The following DRG1 variants were observed in gnomAD, a reference collection of about 807,000 sequenced individuals.
DRG1 encodes the protein developmentally-regulated GTP-binding protein 1.
In DRG1, 19 loss-of-function variants were observed where a neutral mutation model predicts 38.8. The observed-to-expected ratio is 0.49, with a 90% CI of 0.34 to 0.72. DRG1 has a LOEUF of 0.72. Among genes scored for constraint, DRG1 ranks in the 30% least tolerant of loss-of-function variants. DRG1 has a pLI of 0.01. For missense variants in DRG1, 299 were observed against 444.8 expected, an observed-to-expected ratio of 0.67 and a Z score of 2.95; for synonymous variants, 167 against 157.5, an observed-to-expected ratio of 1.06 and a Z score of -0.45.
chr22:31,415,025 T>C (rs1236879674), intron 4 of DRG1, among the ~76,000 whole-genome samples: 1 of 152,148 alleles, frequency 6.6e-6, no homozygotes, highest in Non-Finnish European at 1.5e-5. Flanking sequence ...GTCTCTCTCT[T>C]CTCAGCTTCC....
chr22:31,432,448 C>T (rs1195597902), intron 8 of DRG1, among the ~76,000 whole-genome samples: 2 of 144,950 alleles, frequency 1.4e-5, no homozygotes, highest in Non-Finnish European at 3.0e-5. Context: ...TTTTTTGAGA[C>T]TGAGAGAGAC....
chr22:31,428,963 C>G (rs1279680113), intron 8 of DRG1, among the ~76,000 whole-genome samples: 1 of 152,106 alleles, frequency 6.6e-6, no homozygotes, highest in East Asian at 1.9e-4. Flanking sequence ...ATAATATTCA[C>G]ATTGATTACT....
chr22:31,420,947 A>G (rs1485725714), intron 5 of DRG1, among the ~76,000 whole-genome samples: 2 of 152,112 alleles, frequency 1.3e-5, no homozygotes, highest in Non-Finnish European at 2.9e-5. Flanking sequence ...TTGCAGTTTT[A>G]AGAACGTTGG....
At chr22:31,416,900 A>G (rs1601529951) in intron 4 of DRG1, among the ~76,000 whole-genome samples, 1 of 1,490 alleles carries the variant, frequency 6.7e-4, no homozygotes, top group Non-Finnish European at 2.1e-3. Context: ...ATTCTGTCTC[A>G]AAAAAAAAAA....
At chr22:31,407,451 G>A (rs1408129985) in intron 3 of DRG1, among the ~76,000 whole-genome samples, 2 of 151,852 alleles carry the variant, frequency 1.3e-5, no homozygotes, top group East Asian at 1.9e-4. Flanking sequence ...TCCTCCCACC[G>A]TAGCCTTCCA....
intron 4 of DRG1, among the ~76,000 whole-genome samples, chr22:31,414,061 G>T (rs974036176): frequency 1.3e-5 from 2 of 152,142 alleles, no homozygotes; most frequent in Non-Finnish European, 2.9e-5. Context: ...TCTGACACCA[G>T]TGCCCCTTCC....
chr22:31,424,290 T>G (rs942042951), intron 6 of DRG1, among the ~76,000 whole-genome samples: 21 of 151,944 alleles, frequency 1.4e-4, no homozygotes, highest in Admixed American at 1.4e-3. Flanking sequence ...TAGCTGAGAT[T>G]ACAGGTGTGC....
At chr22:31,414,890 CCTT>C (rs1482439195) in intron 4 of DRG1, among the ~76,000 whole-genome samples, 6 of 151,802 alleles carry the variant, frequency 4.0e-5, no homozygotes, top group Admixed American at 2.6e-4. Context: ...GGTGATCCTT[CCTT>C]CTTAGCCTCT....
chr22:31,401,100 AT>A (rs1259308596), intron 2 of DRG1, among the ~76,000 whole-genome samples: 11 of 152,026 alleles, frequency 7.2e-5, no homozygotes, highest in Admixed American at 7.2e-4. Flanking sequence ...CTGTAGTTTT[AT>A]TTATATCCTG....
At chr22:31,429,189 G>C (rs2050126749) in intron 8 of DRG1, among the ~76,000 whole-genome samples, 1 of 152,136 alleles carries the variant, frequency 6.6e-6, no homozygotes, top group African/African-American at 2.4e-5. Context: ...CACGATATCA[G>C]CTCACTGCAA....
intron 6 of DRG1, among the ~76,000 whole-genome samples, chr22:31,424,498 T>TC (rs2050096696): frequency 7.4e-6 from 1 of 135,650 alleles, no homozygotes; most frequent in Non-Finnish European, 1.6e-5. Flanking sequence ...CTTTTTTTTT[T>TC]TTTTTTTTTT....
chr22:31,432,717 G>A (rs1241682850), intron 8 of DRG1, among the ~76,000 whole-genome samples: 1 of 151,174 alleles, frequency 6.6e-6, no homozygotes, highest in South Asian at 2.1e-4. Flanking sequence ...GAGCCACCAC[G>A]CCTGGCCTAA....
In DRG1 at chr22:31,423,966, C is replaced by T. The variant is rs189089825; in HGVS notation, c.713+556C>T. 1.7e-4 allele frequency among the ~76,000 whole-genome samples: 26 copies of T among 150,016 alleles called. No individual in the cohort carries two copies. In the East Asian group the frequency reaches 2.8e-3, roughly 16 times the overall value. On this transcript the variant is annotated intron_variant, in intron 6 of 8. Coordinates refer to ENST00000331457, the MANE Select transcript of DRG1 (RefSeq NM_004147.4). ...TGCAACCTCCACTTCCAGGTTCAAG[C>T]GATTCTCCTCCCTCAGCCTTCCTGA...
In DRG1 at chr22:31,429,356, G is replaced by T. The variant is rs1011243301; in HGVS notation, c.1004+2174G>T. Among the ~76,000 whole-genome samples the T allele has an allele frequency of 3.3e-5, 5 of 152,208 alleles. No individual in the cohort carries two copies. The South Asian group carries it at 8.3e-4, about 25-fold the overall frequency. On this transcript the variant is annotated intron_variant, in intron 8 of 8. Transcript: ENST00000331457. The stretch of plus-strand genomic sequence containing the variant: ...TGGTCTCAAACTCCTGACCTCAGGT[G>T]ATCTGCCTGCCTCGGCCTCCCAAAG...
chr22:31,417,150 T>A (rs1163971133), intron 4 of DRG1, among the ~76,000 whole-genome samples: 1 of 151,652 alleles, frequency 6.6e-6, no homozygotes, highest in Non-Finnish European at 1.5e-5. Context: ...GGCGGGTGGA[T>A]CACCAGGTCA....
intron 3 of DRG1, among the ~76,000 whole-genome samples, chr22:31,408,228 T>A (rs1438655894): frequency 8.7e-6 from 1 of 115,484 alleles, no homozygotes; most frequent in Non-Finnish European, 1.7e-5. Context: ...AACCTCTGCC[T>A]CCTGGGTTCA....
At chr22:31,429,850 G>C (rs2050129939) in intron 8 of DRG1, among the ~76,000 whole-genome samples, 1 of 152,010 alleles carries the variant, frequency 6.6e-6, no homozygotes, top group African/African-American at 2.4e-5. Flanking sequence ...GGTCCGACTT[G>C]TGTTGCCCAG....
chr22:31,434,013 G>A lies in DRG1; in HGVS notation c.*42G>A, dbSNP rs763127358. 18 of 1,577,110 alleles carry A rather than the reference G, an allele frequency of 1.1e-5. No individual in the cohort carries two copies. Among genetic ancestry groups the A allele is most frequent in the East Asian group, 2.2e-5 (1 of 44,562 alleles). The stretch of plus-strand genomic sequence containing the variant: ...CATCTGCCGGACGAACCACAACAGC[G>A]TTCCCCATGATCAAGCACCCTACCC... On this transcript the variant is annotated 3_prime_UTR_variant, in exon 9 of 9. Transcript: ENST00000331457.
intron 8 of DRG1, among the ~76,000 whole-genome samples, chr22:31,430,937 C>T (rs866398276): frequency 4.0e-5 from 6 of 149,554 alleles, no homozygotes; most frequent in African/African-American, 1.5e-4. Flanking sequence ...TGGCTGGTCT[C>T]GAACTCCTGG....
Sources: allele counts gnomAD v4.1 joint callset (sites outside exome capture counted in the v4.1 genomes callset), GRCh38; gene constraint gnomAD v4.1.1; transcripts MANE v1.5; gene names NCBI Gene and HGNC (gene_info 2026-07-23, HGNC 2026-07-21).